BORCS5: variants seen among roughly 807,000 people sequenced by gnomAD.
BORCS5 encodes the protein BLOC-1-related complex subunit 5.
A neutral mutation model predicts 22.1 loss-of-function variants in BORCS5; 17 were observed. The ratio of observed to expected loss-of-function variants is 0.77; its 90% CI spans 0.53 to 1.15. The LOEUF is 1.15. BORCS5 is among the 50% of genes most tolerant of loss of function. The pLI is 0.00. For synonymous variants in BORCS5, 117 were observed against 99.8 expected, an observed-to-expected ratio of 1.17 and a Z score of -1.03; for missense variants, 247 against 253.2, an observed-to-expected ratio of 0.98 and a Z score of 0.17.
intron 2 of BORCS5, among the ~76,000 whole-genome samples, chr12:12,423,638 C>T (rs532338593): frequency 2.0e-5 from 3 of 151,258 alleles, no homozygotes; most frequent in Admixed American, 2.0e-4. Flanking sequence ...ATTAAGGTTC[C>T]CTTTTATGTG....
At chr12:12,392,062 A>G (rs1941206836) in intron 2 of BORCS5, among the ~76,000 whole-genome samples, 1 of 150,720 alleles carries the variant, frequency 6.6e-6, no homozygotes, top group Non-Finnish European at 1.5e-5. Flanking sequence ...AAAAAAAAAA[A>G]AAAATAGAGA....
rs913537409 is a variant in BORCS5, at chr12:12,471,196, T to G, written c.*5420T>G. ...TTTTACATAAGTGCATATTGCTGTC[T>G]CTGCAAATAAAGTACAACAATATGA... On this transcript the variant is annotated 3_prime_UTR_variant, in exon 4 of 4. Coordinates refer to ENST00000314565, the MANE Select transcript of BORCS5 (RefSeq NM_058169.6). Among the ~76,000 whole-genome samples, 1 of 152,202 alleles carries G rather than the reference T, an allele frequency of 6.6e-6. No homozygotes were observed. Among genetic ancestry groups the G allele is most frequent in the African/African-American group, 2.4e-5 (1 of 41,448 alleles).
intron 2 of BORCS5, among the ~76,000 whole-genome samples, chr12:12,372,120 A>G (rs1592059930): frequency 6.6e-6 from 1 of 150,762 alleles, no homozygotes; most frequent in African/African-American, 2.4e-5. Context: ...GCTCACTGCA[A>G]CCTCTGCCTC....
intron 2 of BORCS5, among the ~76,000 whole-genome samples, chr12:12,433,376 C>T (rs927405427): frequency 4.1e-5 from 6 of 145,306 alleles, no homozygotes; most frequent in Non-Finnish European, 6.0e-5. Flanking sequence ...CAGCGGCATA[C>T]TCCTGTAGTC....
chr12:12,450,279 C>G (rs1264698141), intron 3 of BORCS5, among the ~76,000 whole-genome samples: 1 of 152,186 alleles, frequency 6.6e-6, no homozygotes, highest in Non-Finnish European at 1.5e-5. Context: ...GGGGGTTGCT[C>G]AGGACCCTTG....
intron 3 of BORCS5, among the ~76,000 whole-genome samples, chr12:12,452,661 A>T (rs954362024): frequency 6.6e-6 from 1 of 152,222 alleles, no homozygotes; most frequent in Non-Finnish European, 1.5e-5. Flanking sequence ...GGTCACTTCA[A>T]AGTGTCCAGA....
At chr12:12,454,033 A>G (rs2136150357) in intron 3 of BORCS5, among the ~76,000 whole-genome samples, 1 of 152,352 alleles carries the variant, frequency 6.6e-6, no homozygotes, top group Middle Eastern at 3.4e-3. Flanking sequence ...TTATGGATGA[A>G]CAATATTTTA....
At chr12:12,452,062 T>C in intron 3 of BORCS5, 1 of 431,514 alleles carries the variant, frequency 2.3e-6, no homozygotes, top group South Asian at 2.1e-5. Flanking sequence ...TTACGTGACT[T>C]TCCCCCCTGG....
In BORCS5 at chr12:12,465,881, G is replaced by A. The variant is rs1592148012; in HGVS notation, c.*105G>A. 1 of 980,028 alleles carries A rather than the reference G, an allele frequency of 1.0e-6. No individual in the cohort carries two copies. The highest frequency in any genetic ancestry group is 2.6e-5 in the East Asian group (1 of 38,002). 60.7% of individuals were successfully genotyped at this position (980,028 alleles called of 1,614,324 possible). Reference sequence around the variant, plus strand: ...GACCAGGTCTGGAGGCTGGCGGGAGGCTCCCTGAAAGTGGGTGCGAAGGAG... The same window carrying A: ...GACCAGGTCTGGAGGCTGGCGGGAGACTCCCTGAAAGTGGGTGCGAAGGAG... On this transcript the variant is annotated 3_prime_UTR_variant, in exon 4 of 4. Coordinates refer to ENST00000314565, the MANE Select transcript of BORCS5 (RefSeq NM_058169.6).
chr12:12,404,417 C>T (rs573363699), intron 2 of BORCS5, among the ~76,000 whole-genome samples: 82 of 152,280 alleles, frequency 5.4e-4, no homozygotes, highest in Non-Finnish European at 9.6e-4. Context: ...ACACTCTGCC[C>T]TCAACTGGCA....
intron 3 of BORCS5, among the ~76,000 whole-genome samples, chr12:12,453,277 A>G (rs11609375): frequency 0.61 from 93,329 of 152,046 alleles, 29,837 homozygotes; most frequent in African/African-American, 0.79. Flanking sequence ...AAGCAGGCTT[A>G]AAGGTTCAAG....
At chr12:12,370,747 C>G (rs934108678) in intron 2 of BORCS5, among the ~76,000 whole-genome samples, 1 of 151,932 alleles carries the variant, frequency 6.6e-6, no homozygotes, top group Non-Finnish European at 1.5e-5. Flanking sequence ...AATCTAACTT[C>G]CTGTGTCCTT....
intron 2 of BORCS5, among the ~76,000 whole-genome samples, chr12:12,410,923 T>C (rs1374522884): frequency 2.6e-5 from 4 of 152,134 alleles, no homozygotes; most frequent in Admixed American, 6.6e-5. Context: ...TTTGTACTTC[T>C]CCTTGAAGAG....
At chr12:12,441,524 T>G (rs796079968) in intron 3 of BORCS5, among the ~76,000 whole-genome samples, 3 of 139,598 alleles carry the variant, frequency 2.1e-5, no homozygotes, top group African/African-American at 8.6e-5. Flanking sequence ...TGCCATGTAG[T>G]AGACACTGTA....
intron 3 of BORCS5, among the ~76,000 whole-genome samples, chr12:12,440,452 G>A (rs1448104744): frequency 6.6e-6 from 1 of 152,166 alleles, no homozygotes; most frequent in Non-Finnish European, 1.5e-5. Flanking sequence ...CTCTTTGAGA[G>A]TTTAGCCTCG....
intron 2 of BORCS5, among the ~76,000 whole-genome samples, chr12:12,433,207 T>C (rs537974928): frequency 1.7e-4 from 26 of 150,510 alleles, no homozygotes; most frequent in Non-Finnish European, 3.1e-4. Context: ...TGGTGGCACA[T>C]GCCTGTAATC....
At chr12:12,418,773 C>G (rs955889892) in intron 2 of BORCS5, among the ~76,000 whole-genome samples, 1 of 152,122 alleles carries the variant, frequency 6.6e-6, no homozygotes, top group Non-Finnish European at 1.5e-5. Flanking sequence ...AATTGAGTCT[C>G]TAGTAGACAA....
chr12:12,400,861 G>A (rs1055822530), intron 2 of BORCS5, among the ~76,000 whole-genome samples: 3 of 151,976 alleles, frequency 2.0e-5, no homozygotes, highest in African/African-American at 7.3e-5. Context: ...ATATCTAAGC[G>A]GTGTAGAATA....
In BORCS5 at chr12:12,467,953, GA is replaced by G. The variant is rs1295505211; in HGVS notation, c.*2178del. The G allele has an allele frequency of 6.6e-6, 1 of 152,284 alleles. No homozygotes were observed. The highest frequency in any genetic ancestry group is 2.4e-5 in the African/African-American group (1 of 41,456). The allele number at this position is 152,284 out of a possible 1,614,324, so 9.4% of individuals were successfully genotyped here. On this transcript the variant is annotated 3_prime_UTR_variant, in exon 4 of 4. Transcript: ENST00000314565. ...CAGAACTCTGCCTTTGGCTTTTCCA[GA>G]CCCTGGGCCGGGTATGAGAACCAGC...
Sources: allele counts gnomAD v4.1 joint callset (sites outside exome capture counted in the v4.1 genomes callset), GRCh38; gene constraint gnomAD v4.1.1; transcripts MANE v1.5; gene names NCBI Gene and HGNC (gene_info 2026-07-23, HGNC 2026-07-21).